FAF1: variants seen among roughly 807,000 people sequenced by gnomAD.
The protein encoded by FAF1 is FAS-associated factor 1.
A neutral mutation model predicts 92.5 loss-of-function variants in FAF1; 25 were observed. That is an observed-to-expected ratio of 0.27 (90% CI 0.20 to 0.38). The LOEUF (loss-of-function observed/expected upper bound fraction) is 0.38. FAF1 is among the 10% of genes least tolerant of loss of function. FAF1 has a pLI of 1.00. For synonymous variants in FAF1, 234 were observed against 273.2 expected, an observed-to-expected ratio of 0.86 and a Z score of 1.42; for missense variants, 636 against 793.3, an observed-to-expected ratio of 0.80 and a Z score of 2.38.
intron 2 of FAF1, among the ~76,000 whole-genome samples, chr1:50,816,229 G>A (rs1643972861): frequency 7.3e-6 from 1 of 136,362 alleles, no homozygotes; most frequent in Non-Finnish European, 1.6e-5. Context: ...TTTTGAGACG[G>A]AGTCTTGCTC....
In FAF1 at chr1:50,506,664, C is replaced by T. The variant is rs981042039; in HGVS notation, c.1495-14863G>A. ...CTTTTATTAACCTCTGAATTTTCAG[C>T]GTAAGTTAATGTATGGTTGATGCTT... On this transcript the variant is annotated intron_variant, in intron 15 of 18. Transcript: ENST00000396153. Among the ~76,000 whole-genome samples, 5 of 152,274 alleles carry T rather than the reference C, an allele frequency of 3.3e-5. 1 individual carries two copies. The highest frequency in any genetic ancestry group is 2.6e-4 in the Admixed American group (4 of 15,286).
intron 15 of FAF1, among the ~76,000 whole-genome samples, chr1:50,511,419 C>T (rs957864546): frequency 7.2e-5 from 11 of 151,970 alleles, no homozygotes; most frequent in Non-Finnish European, 1.5e-4. Context: ...CCCAACAGGC[C>T]CCGGTGTGTG....
chr1:50,513,380 C>T (rs1647162782), intron 15 of FAF1, among the ~76,000 whole-genome samples: 1 of 152,082 alleles, frequency 6.6e-6, no homozygotes, highest in South Asian at 2.1e-4. Flanking sequence ...GCGATCAATA[C>T]TTGAGAGGCT....
At position 50,681,674 on chromosome 1, in the gene FAF1, A is replaced by ATT. The variant is rs1211289812; in HGVS notation, c.657+24110_657+24111dup. On this transcript the variant is annotated intron_variant, in intron 7 of 18. Transcript: ENST00000396153. ...AGGCATGTGCCAGCCTGTAATCCCT[A>ATT]TTTTTTTTTTTTTTTGTATTTTTAG... Among the ~76,000 whole-genome samples the ATT allele has an allele frequency of 6.0e-3, 793 of 131,980 alleles. 10 individuals carry two copies. The highest frequency in any genetic ancestry group is 0.02 in the African/African-American group (719 of 36,228). The allele number at this position is 131,980 out of a possible 152,430, so 86.6% of individuals were successfully genotyped here.
chr1:50,810,640 A>G (rs773650962), intron 2 of FAF1, among the ~76,000 whole-genome samples: 1 of 152,244 alleles, frequency 6.6e-6, no homozygotes, highest in Non-Finnish European at 1.5e-5. Context: ...AAGTCAAACT[A>G]TCTCTGTTTG....
chr1:50,815,066 TA>T (rs1361302997), intron 2 of FAF1, among the ~76,000 whole-genome samples: 1 of 152,252 alleles, frequency 6.6e-6, no homozygotes, highest in Non-Finnish European at 1.5e-5. Flanking sequence ...CTTAAAAAGA[TA>T]TTTTAAAATT....
chr1:50,886,464 T>G (rs1362406024), intron 1 of FAF1, among the ~76,000 whole-genome samples: 1 of 152,094 alleles, frequency 6.6e-6, no homozygotes, highest in Non-Finnish European at 1.5e-5. Flanking sequence ...GTGCCATGTT[T>G]GTGTGCTGCA....
At chr1:50,690,822 G>A (rs922467715) in intron 7 of FAF1, among the ~76,000 whole-genome samples, 5 of 152,102 alleles carry the variant, frequency 3.3e-5, no homozygotes, top group African/African-American at 7.2e-5. Flanking sequence ...TGATATAAAC[G>A]TAATTATATA....
At chr1:50,540,857 G>A (rs892199041) in intron 13 of FAF1, among the ~76,000 whole-genome samples, 1 of 152,146 alleles carries the variant, frequency 6.6e-6, no homozygotes, top group Non-Finnish European at 1.5e-5. Flanking sequence ...CAAAACAGTG[G>A]AAATTCTGGG....
chr1:50,818,025 GC>G (rs977303624), intron 2 of FAF1, among the ~76,000 whole-genome samples: 8 of 152,082 alleles, frequency 5.3e-5, no homozygotes, highest in Non-Finnish European at 1.2e-4. Flanking sequence ...ATCAAAAATT[GC>G]TTGAGGTGGG....
intron 15 of FAF1, among the ~76,000 whole-genome samples, chr1:50,510,587 A>T (rs1325936376): frequency 1.3e-5 from 2 of 152,184 alleles, no homozygotes; most frequent in Admixed American, 6.5e-5. Flanking sequence ...CAGGGCTCTG[A>T]TAAGTGTCCC....
intron 8 of FAF1, among the ~76,000 whole-genome samples, chr1:50,637,676 T>TAC (rs1228360590): frequency 8.5e-6 from 1 of 117,222 alleles, no homozygotes; most frequent in Non-Finnish European, 1.9e-5. Context: ...CTCACACATA[T>TAC]ATATATGTGT....
At chr1:50,819,718 T>TATATATATACAC (rs1644018885) in intron 2 of FAF1, among the ~76,000 whole-genome samples, 2 of 23,200 alleles carry the variant, frequency 8.6e-5, no homozygotes, top group Non-Finnish European at 1.7e-4. Flanking sequence ...TATATATACG[T>TATATATATACAC]ATATATATAT....
intron 1 of FAF1, among the ~76,000 whole-genome samples, chr1:50,869,313 A>T (rs1001725953): frequency 2.0e-5 from 3 of 152,100 alleles, no homozygotes; most frequent in Admixed American, 6.5e-5. Context: ...CACTACAACA[A>T]CATCTGCCTC....
At chr1:50,809,456 C>A (rs947289913) in intron 2 of FAF1, among the ~76,000 whole-genome samples, 2 of 151,994 alleles carry the variant, frequency 1.3e-5, no homozygotes. Context: ...CAGAGAAATA[C>A]AAAGAACACT....
At chr1:50,931,888 A>T (rs200628409) in intron 1 of FAF1, among the ~76,000 whole-genome samples, 17 of 129,482 alleles carry the variant, frequency 1.3e-4, no homozygotes, top group Middle Eastern at 7.8e-3. Flanking sequence ...ATAAATAAAT[A>T]AATAATAATA....
At chr1:50,627,637 T>TA (rs2124197066) in intron 8 of FAF1, among the ~76,000 whole-genome samples, 1 of 152,180 alleles carries the variant, frequency 6.6e-6, no homozygotes, top group Non-Finnish European at 1.5e-5. Context: ...TCATAATATA[T>TA]AATGTTCAAA....
At chr1:50,794,726 C>T (rs1039151549) in intron 3 of FAF1, among the ~76,000 whole-genome samples, 3 of 151,884 alleles carry the variant, frequency 2.0e-5, no homozygotes, top group Admixed American at 2.0e-4. Context: ...CAGGTTCAAG[C>T]GATTCTCCTG....
At chr1:50,588,910 A>G (rs1308375524) in intron 9 of FAF1, among the ~76,000 whole-genome samples, 1 of 152,218 alleles carries the variant, frequency 6.6e-6, no homozygotes, top group East Asian at 1.9e-4. Context: ...GGAGACAGAA[A>G]CAGGAGATGG....
Sources: allele counts gnomAD v4.1 joint callset (sites outside exome capture counted in the v4.1 genomes callset), GRCh38; gene constraint gnomAD v4.1.1; transcripts MANE v1.5; gene names NCBI Gene and HGNC (gene_info 2026-07-23, HGNC 2026-07-21).